DOCK1: variants seen among roughly 807,000 people sequenced by gnomAD.
DOCK1 encodes the protein dedicator of cytokinesis protein 1.
DOCK1 carries 138 observed loss-of-function variants against 262.7 expected under a neutral mutation model. The ratio of observed to expected loss-of-function variants is 0.53; its 90% CI spans 0.46 to 0.61. DOCK1 has a LOEUF of 0.61. Ranked by LOEUF, DOCK1 falls within the 20% of genes least tolerant of loss-of-function variation. DOCK1 has a pLI of 0.00. For synonymous variants in DOCK1, 866 were observed against 867.4 expected, an observed-to-expected ratio of 1.00 and a Z score of 0.03; for missense variants, 1,908 against 2,370.7, an observed-to-expected ratio of 0.80 and a Z score of 4.05.
At chr10:127,157,856 T>C (rs754479537) in intron 27 of DOCK1, among the ~76,000 whole-genome samples, 19 of 152,232 alleles carry the variant, frequency 1.2e-4, no homozygotes, top group Non-Finnish European at 2.6e-4. Context: ...AGGAGATTAA[T>C]TTGTGAATAA....
chr10:127,175,067 C>A lies in DOCK1; in HGVS notation c.2847+47303C>A. 2.9e-6 allele frequency: 2 copies of A among 701,108 alleles called. No individual in the cohort carries two copies. Among genetic ancestry groups the A allele is most frequent in the Admixed American group, 2.6e-5 (1 of 39,138 alleles). The allele number at this position is 701,108 out of a possible 1,614,324, so 43.4% of individuals were successfully genotyped here. On this transcript the variant is annotated intron_variant, in intron 27 of 51. Coordinates refer to ENST00000623213, the MANE Select transcript of DOCK1 (RefSeq NM_001290223.2). This position sits in a 1 kb window ranked among gnomAD's most constrained non-coding sequence, Gnocchi z 6.3. ...AGTATCATAAAATAATCTGCGACCC[C>A]TTGGAGCTCGCCACGCCCTTAGACT...
intron 27 of DOCK1, among the ~76,000 whole-genome samples, chr10:127,142,265 G>A (rs376206098): frequency 7.2e-5 from 11 of 152,216 alleles, no homozygotes; most frequent in African/African-American, 2.2e-4. Flanking sequence ...GTGGGAAGCC[G>A]GGGCTCCAAA....
At chr10:126,982,090 G>C in intron 4 of DOCK1, 117 bp downstream of exon 4, 3 of 1,109,198 alleles carry the variant, frequency 2.7e-6, no homozygotes, top group Non-Finnish European at 4.0e-6. Context: ...ATTGACTCCT[G>C]GGGGACAGGA....
chr10:127,237,357 T>C (rs572212990), intron 27 of DOCK1, among the ~76,000 whole-genome samples: 1 of 60,354 alleles, frequency 1.7e-5, no homozygotes, highest in South Asian at 8.8e-4. Context: ...CAAAACTCCA[T>C]CTCAGGAAAA....
intron 18 of DOCK1, among the ~76,000 whole-genome samples, chr10:127,035,803 A>G (rs921156986): frequency 4.6e-5 from 7 of 151,934 alleles, no homozygotes; most frequent in Admixed American, 3.3e-4. Flanking sequence ...TGAGCCCAGG[A>G]GGTTAAGACC....
At chr10:127,149,448 C>G (rs1361257121) in intron 27 of DOCK1, among the ~76,000 whole-genome samples, 2 of 152,168 alleles carry the variant, frequency 1.3e-5, no homozygotes, top group East Asian at 3.9e-4. Flanking sequence ...TTATTTTTCA[C>G]AGAGAAATAT....
chr10:127,439,163 A>G lies in DOCK1; in HGVS notation c.5197A>G (p.Lys1733Glu), dbSNP rs748634880. The change falls in exon 49 of 52, where the codon AAA becomes GAA. Residue 1733 changes from lysine to glutamate, a missense_variant. By Grantham distance (56) the Lys-to-Glu change is moderately conservative. This residue lies in a region of DOCK1 where 383 missense variants were observed against 420.1 expected (regional missense o/e 0.91). Transcript: ENST00000623213. ...CAGCAAACATCAAGAGATATTTGAG[A>G]AAGAATTTAAACCCACCGACATTTC... ...RNSKHQEIFE[K>E]EFKPTDISLQ... is the part of the protein sequence containing the mutation. 6.2e-7 allele frequency: 1 copy of G among 1,610,656 alleles called. No homozygotes were observed. Among genetic ancestry groups the G allele is most frequent in the Admixed American group, 1.7e-5 (1 of 59,690 alleles).
chr10:127,026,249 G>A, intron 15 of DOCK1, 103 bp from the exon 16 acceptor site: 1 of 1,130,798 alleles, frequency 8.8e-7, no homozygotes, highest in South Asian at 1.3e-5. Context: ...CACCACTGCA[G>A]TTAGAAATGT....
chr10:127,018,229 G>A (rs1282514862), intron 12 of DOCK1, among the ~76,000 whole-genome samples: 2 of 152,180 alleles, frequency 1.3e-5, no homozygotes, highest in African/African-American at 2.4e-5. Context: ...TCCACTGCTC[G>A]CCCAGGTTGT....
At chr10:127,430,595 C>T (rs2134619516) in intron 47 of DOCK1, among the ~76,000 whole-genome samples, 1 of 152,128 alleles carries the variant, frequency 6.6e-6, no homozygotes, top group Admixed American at 6.5e-5. Context: ...TGCCCATCTT[C>T]TGCCCCACCC....
At chr10:127,313,380 A>G (rs1449620943) in intron 29 of DOCK1, among the ~76,000 whole-genome samples, 1 of 152,218 alleles carries the variant, frequency 6.6e-6, no homozygotes, top group Non-Finnish European at 1.5e-5. Flanking sequence ...AATGGACAAT[A>G]GATATCACTG....
chr10:127,351,876 C>T (rs2063896598), intron 31 of DOCK1, among the ~76,000 whole-genome samples: 1 of 152,010 alleles, frequency 6.6e-6, no homozygotes, highest in Admixed American at 6.5e-5. Flanking sequence ...TGCCAGGGAC[C>T]TCCAGCCGGC....
intron 23 of DOCK1, among the ~76,000 whole-genome samples, chr10:127,067,333 A>T (rs934670494): frequency 3.3e-5 from 5 of 152,162 alleles, no homozygotes; most frequent in African/African-American, 1.2e-4. Flanking sequence ...CAAGTCCACA[A>T]ATATTACTAC....
intron 23 of DOCK1, among the ~76,000 whole-genome samples, chr10:127,067,858 C>T (rs982401275): frequency 5.3e-5 from 8 of 151,762 alleles, no homozygotes; most frequent in East Asian, 3.9e-4. Flanking sequence ...AGGCCCCTGA[C>T]GCTCAGGCAA....
chr10:127,123,750 AG>A (rs2049763972), intron 25 of DOCK1, among the ~76,000 whole-genome samples: 1 of 152,114 alleles, frequency 6.6e-6, no homozygotes, highest in African/African-American at 2.4e-5. Flanking sequence ...ACACTAGGGC[AG>A]TCTCCTACAC....
intron 29 of DOCK1, among the ~76,000 whole-genome samples, chr10:127,336,687 C>A (rs1445378559): frequency 6.6e-6 from 1 of 151,962 alleles, no homozygotes; most frequent in Non-Finnish European, 1.5e-5. Context: ...CTGCAGGTGC[C>A]CGCCACCACA....
intron 27 of DOCK1, among the ~76,000 whole-genome samples, chr10:127,195,209 C>T (rs1475007518): frequency 6.6e-6 from 1 of 152,218 alleles, no homozygotes; most frequent in East Asian, 1.9e-4. Context: ...GATGCAGACT[C>T]TCGCTCTTGA....
intron 32 of DOCK1, among the ~76,000 whole-genome samples, chr10:127,355,587 C>T (rs866784845): frequency 5.9e-5 from 9 of 152,196 alleles, no homozygotes; most frequent in African/African-American, 1.9e-4. Flanking sequence ...CAAATGGACA[C>T]GAGAAGCCTG....
chr10:127,023,536 T>C (rs1211983353), intron 14 of DOCK1, among the ~76,000 whole-genome samples: 1 of 139,682 alleles, frequency 7.2e-6, no homozygotes, highest in Non-Finnish European at 1.5e-5. Flanking sequence ...AGGAGGTCCC[T>C]GTGGTCTTTT....
Sources: gnomAD v4.1 joint callset for allele counts (sites outside exome capture counted in the v4.1 genomes callset) on GRCh38, gnomAD v4.1.1 for gene constraint, gnomAD v4.1.1 regional missense constraint, Gnocchi (gnomAD v3.1) non-coding constraint, MANE v1.5 for transcripts, NCBI Gene and HGNC (gene_info 2026-07-23, HGNC 2026-07-21) for gene names.